Variants in MAP2K7 observed in about 807,000 individuals in gnomAD.
MAP2K7 encodes the protein mitogen-activated protein kinase kinase 7.
A neutral mutation model predicts 47.7 loss-of-function variants in MAP2K7; 12 were observed. The ratio of observed to expected loss-of-function variants is 0.25; its 90% confidence interval spans 0.16 to 0.41. MAP2K7 has a LOEUF of 0.41. MAP2K7 is among the 10% of genes least tolerant of loss of function. The pLI, the probability that MAP2K7 is intolerant of heterozygous loss-of-function variation, is 1.00. For synonymous variants in MAP2K7, 299 were observed against 243.0 expected (o/e 1.23, Z -2.14); for missense variants, 415 against 600.3 (o/e 0.69, Z 3.23).
intron 8 of MAP2K7, 29 bp from the exon 9 acceptor site, chr19:7,911,407 C>T (rs748305627): frequency 1.2e-6 from 2 of 1,613,196 alleles, no homozygotes; most frequent in Non-Finnish European, 1.7e-6. Flanking sequence ...GAACATAAAC[C>T]TGTCCAGCCC....
At chr19:7,911,370 G>A in intron 8 of MAP2K7, 40 bp downstream of exon 8, 1 of 1,613,406 alleles carries the variant, frequency 6.2e-7, no homozygotes. Context: ...CCAGGAGTGA[G>A]GGCTTCTGGG....
chr19:7,905,910 T>A, intron 1 of MAP2K7: 1 of 1,541,642 alleles, frequency 6.5e-7, no homozygotes, highest in Non-Finnish European at 9.0e-7. Flanking sequence ...ACCTAACCGC[T>A]GCCCCGGCCG....
At chr19:7,911,704 C>G (rs2145144681) in intron 9 of MAP2K7, 126 bp downstream of exon 9, 1 of 1,047,900 alleles carries the variant, frequency 9.5e-7, no homozygotes, top group Non-Finnish European at 1.3e-6. Flanking sequence ...GGGCGGGCTC[C>G]TGGCTGGCGG....
intron 6 of MAP2K7, 55 bp downstream of exon 6, chr19:7,910,858 C>T (rs1982796401): frequency 6.4e-7 from 1 of 1,569,838 alleles, no homozygotes; most frequent in Non-Finnish European, 8.7e-7. Context: ...GGTGAGTGAC[C>T]AGGCGGGGCG....
At chr19:7,911,660 GAGGCC>G in intron 9 of MAP2K7, 82 bp downstream of exon 9, 1 of 1,379,016 alleles carries the variant, frequency 7.3e-7, no homozygotes, top group South Asian at 1.3e-5. Context: ...GAGGGGAATG[GAGGCC>G]GCACCCTGGG....
rs776312730 is a variant in MAP2K7, at chr19:7,911,285, G to T, written c.891G>T (p.Pro297=). 6.2e-7 allele frequency: 1 copy of T among 1,613,192 alleles called. No individual in the cohort carries two copies. ...ERIDPPDPTK[P]DYDIRADVWS... is the part of the protein sequence containing the mutation. ...TTGACCCCCCAGACCCCACCAAGCC[G>T]GACTATGACATCCGGGCCGACGTAT... The change falls in exon 8 of 11, where the codon CCG becomes CCT. Residue 297 remains proline, a synonymous_variant. Coordinates refer to ENST00000397979, the MANE Select transcript of MAP2K7 (RefSeq NM_145185.4).
chr19:7,905,141 C>T (rs1213452677), intron 1 of MAP2K7, among the ~76,000 whole-genome samples: 1 of 152,166 alleles, frequency 6.6e-6, no homozygotes, highest in Non-Finnish European at 1.5e-5. Context: ...GAACACCACC[C>T]CTGACCCATG....
At position 7,912,598 on chromosome 19, in the gene MAP2K7, T is replaced by G; in HGVS notation, c.*167T>G. ...CCACCCACCCCCCCCGCCCCGGGCC[T>G]ACCAAGCCCCCGCCCTTCCCACCCC... On this transcript the variant is annotated 3_prime_UTR_variant, in exon 11 of 11. Coordinates refer to ENST00000397979, the MANE Select transcript of MAP2K7 (RefSeq NM_145185.4). 3 of 739,554 alleles carry G rather than the reference T, an allele frequency of 4.1e-6. No homozygotes were observed. Among genetic ancestry groups the G allele is most frequent in the Non-Finnish European group, 4.0e-6 (2 of 503,226 alleles). 45.8% of individuals were successfully genotyped at this position (739,554 alleles called of 1,614,324 possible).
chr19:7,908,323 G>A (rs926257749), intron 1 of MAP2K7, among the ~76,000 whole-genome samples: 2 of 152,142 alleles, frequency 1.3e-5, no homozygotes, highest in African/African-American at 4.8e-5. Context: ...GCTCCTGCCT[G>A]GTCCTCCAGG....
rs1325919723 is a variant in MAP2K7 at position 7,905,894 on chromosome 19, C to A, written c.124+1826C>A. On this transcript the variant is annotated intron_variant, in intron 1 of 10. Coordinates refer to ENST00000397979, the MANE Select transcript of MAP2K7 (RefSeq NM_145185.4). Reference sequence around the variant, plus strand: ...TATCATCGCTGCTTGGACATCTGCACCATTGACCTAACCGCTGCCCCGGCC... The same window carrying A: ...TATCATCGCTGCTTGGACATCTGCAACATTGACCTAACCGCTGCCCCGGCC... 3.1e-6 allele frequency: 5 copies of A among 1,597,752 alleles called. No homozygotes were observed. The African/African-American group carries it at 6.7e-5, about 21-fold the overall frequency.
rs1041238502 is a variant in MAP2K7 at position 7,910,874 on chromosome 19, T to C, written c.675+71T>C. 3.1e-6 allele frequency: 5 copies of C among 1,587,594 alleles called. No individual in the cohort carries two copies. The East Asian group carries it at 6.8e-5, about 22-fold the overall frequency. On this transcript the variant is annotated intron_variant, in intron 6 of 10. Coordinates refer to ENST00000397979, the MANE Select transcript of MAP2K7 (RefSeq NM_145185.4). ...GTGAGTGACCAGGCGGGGCGTGCAC[T>C]GGGCAAGATGACAGTGGCGGTGAGT...
At chr19:7,909,011 A>T (rs1982638911) in intron 1 of MAP2K7, among the ~76,000 whole-genome samples, 1 of 151,570 alleles carries the variant, frequency 6.6e-6, no homozygotes, top group African/African-American at 2.4e-5. Context: ...CTGCTGGATG[A>T]GCCAACCCCC....
At chr19:7,909,441 C>T (rs1247551285) in intron 1 of MAP2K7, among the ~76,000 whole-genome samples, 1 of 152,210 alleles carries the variant, frequency 6.6e-6, no homozygotes, top group Non-Finnish European at 1.5e-5. Flanking sequence ...GTCAGGGAGG[C>T]CCCCTGGCCG....
At chr19:7,911,681 CG>C in intron 9 of MAP2K7, 103 bp downstream of exon 9, 1 of 1,213,456 alleles carries the variant, frequency 8.2e-7, no homozygotes, top group Non-Finnish European at 1.1e-6. Context: ...CTGGGATGGG[CG>C]GATGCGACTG....
rs1982527832 is a variant in MAP2K7 at position 7,907,306 on chromosome 19, G to T, written c.125-2449G>T. Among the ~76,000 whole-genome samples, 2 of 152,168 alleles carry T rather than the reference G, an allele frequency of 1.3e-5. 1 individual carries two copies. The highest frequency in any genetic ancestry group is 4.1e-4 in the South Asian group (2 of 4,824). Reference sequence around the variant, plus strand: ...GATGGGGTGCCTGGCCCTGTGAGTGGTTGTGAGTATGTGTGTCCGAGGGCA... The same window carrying T: ...GATGGGGTGCCTGGCCCTGTGAGTGTTTGTGAGTATGTGTGTCCGAGGGCA... On this transcript the variant is annotated intron_variant, in intron 1 of 10. Transcript: ENST00000397979.
intron 2 of MAP2K7, 66 bp from the exon 3 acceptor site, chr19:7,909,996 TG>T (rs1428147729): frequency 2.0e-6 from 3 of 1,522,008 alleles, no homozygotes; most frequent in South Asian, 1.2e-5. Context: ...AACCCCGGTA[TG>T]GGGGACTGGG....
In MAP2K7 at chr19:7,912,184, A is replaced by G; in HGVS notation, c.1115A>G (p.Asn372Ser). Reference protein sequence around the residue: ...TKDHRKRPKYNKLLEHSFIKR... With the variant: ...TKDHRKRPKYSKLLEHSFIKR... ...GATCACAGGAAGAGACCAAAGTATA[A>G]TAAGCTACTTGTGAGTACCTGAGCC... The change falls in exon 10 of 11, where the codon AAT becomes AGT. Residue 372 changes from asparagine (N) to serine (S), a missense_variant. Coordinates refer to ENST00000397979, the MANE Select transcript of MAP2K7 (RefSeq NM_145185.4). 6.2e-7 allele frequency: 1 copy of G among 1,614,032 alleles called. No individual in the cohort carries two copies. Among genetic ancestry groups the G allele is most frequent in the Non-Finnish European group, 8.5e-7 (1 of 1,179,980 alleles).
chr19:7,906,852 T>C (rs1599621762), intron 1 of MAP2K7: 1 of 152,016 alleles, frequency 6.6e-6, no homozygotes, highest in East Asian at 1.9e-4. Flanking sequence ...AGAAACCCCG[T>C]CTCCACTAAA....
intron 9 of MAP2K7, among the ~76,000 whole-genome samples, 171 bp from the exon 10 acceptor site, chr19:7,911,978 G>T (rs373909658): frequency 6.6e-6 from 1 of 152,160 alleles, no homozygotes; most frequent in Non-Finnish European, 1.5e-5. Flanking sequence ...GAGGCTCCGG[G>T]ACTCACAGTT....
Sources: gnomAD v4.1 joint callset for allele counts (sites outside exome capture counted in the v4.1 genomes callset) on GRCh38, gnomAD v4.1.1 for gene constraint, MANE v1.5 for transcripts, NCBI Gene and HGNC (gene_info 2026-07-23, HGNC 2026-07-21) for gene names.